Variants in VTI1A observed in about 807,000 individuals in gnomAD.
VTI1A encodes the protein vesicle transport through interaction with t-SNAREs 1A.
VTI1A carries 22 observed loss-of-function variants against 34.9 expected under a neutral mutation model. The ratio of observed to expected loss-of-function variants is 0.63; its 90% CI spans 0.45 to 0.90. The LOEUF is 0.90. VTI1A is among the 40% of genes least tolerant of loss of function. The pLI is 0.00. For synonymous variants in VTI1A, 87 were observed against 97.3 expected (o/e 0.89, Z 0.62); for missense variants, 268 against 275.6 (o/e 0.97, Z 0.20).
chr10:112,683,056 T>C (rs1461869713), intron 7 of VTI1A, among the ~76,000 whole-genome samples: 1 of 152,208 alleles, frequency 6.6e-6, no homozygotes, highest in Admixed American at 6.5e-5. Flanking sequence ...TGGCTGGATT[T>C]CCACAGAGCA....
At chr10:112,524,380 G>GT (rs1850143229) in intron 3 of VTI1A, among the ~76,000 whole-genome samples, 1 of 152,070 alleles carries the variant, frequency 6.6e-6, no homozygotes. Flanking sequence ...TTTGAAATGA[G>GT]TCGTCTTTTC....
chr10:112,741,395 G>T (rs567204649), intron 7 of VTI1A, among the ~76,000 whole-genome samples: 13 of 152,282 alleles, frequency 8.5e-5, no homozygotes, highest in African/African-American at 3.1e-4. Context: ...GCAGAGGTTT[G>T]CAGTGAGCCA....
intron 5 of VTI1A, among the ~76,000 whole-genome samples, chr10:112,565,831 A>T (rs1027982130): frequency 2.6e-5 from 4 of 152,166 alleles, no homozygotes; most frequent in African/African-American, 7.2e-5. Flanking sequence ...ATCTTTTAAG[A>T]TATTTTCTAA....
intron 7 of VTI1A, among the ~76,000 whole-genome samples, chr10:112,759,878 T>G (rs1163842004): frequency 1.3e-5 from 2 of 152,032 alleles, no homozygotes; most frequent in Non-Finnish European, 2.9e-5. Flanking sequence ...ACCCCACATA[T>G]TCTCGGAGTG....
At chr10:112,474,486 T>C (rs1323089572) in intron 3 of VTI1A, among the ~76,000 whole-genome samples, 1 of 151,438 alleles carries the variant, frequency 6.6e-6, no homozygotes, top group Non-Finnish European at 1.5e-5. Flanking sequence ...GACAGGGCCT[T>C]GCTCTGTCAC....
intron 5 of VTI1A, among the ~76,000 whole-genome samples, chr10:112,561,714 G>A (rs148057532): frequency 6.6e-6 from 1 of 151,684 alleles, no homozygotes; most frequent in East Asian, 1.9e-4. Context: ...AATAATATAG[G>A]AACTCATACA....
chr10:112,816,451 A>C lies in VTI1A; in HGVS notation c.*1068A>C. ...GAGGATGGCAGATTGTTCCAAAAGG[A>C]ATGGCTTGGGTTTTTAACTAACAAA... On this transcript the variant is annotated 3_prime_UTR_variant, in exon 8 of 8. Transcript: ENST00000393077. 4.4e-6 allele frequency: 1 copy of C among 224,762 alleles called. No individual in the cohort carries two copies. The highest frequency in any genetic ancestry group is 1.3e-3 in the Middle Eastern group (1 of 742). The allele number at this position is 224,762 out of a possible 1,614,324, so 13.9% of individuals were successfully genotyped here.
chr10:112,730,428 A>G (rs1446301312), intron 7 of VTI1A, among the ~76,000 whole-genome samples: 1 of 152,316 alleles, frequency 6.6e-6, no homozygotes, highest in East Asian at 1.9e-4. Context: ...AAGAATAAAG[A>G]TCTACCTTTA....
intron 5 of VTI1A, among the ~76,000 whole-genome samples, chr10:112,601,509 AG>A (rs1351606339): frequency 6.6e-6 from 1 of 151,780 alleles, no homozygotes; most frequent in Non-Finnish European, 1.5e-5. Context: ...GGTGCCAACC[AG>A]GCACCAATGC....
intron 4 of VTI1A, 39 bp downstream of exon 4, chr10:112,527,203 G>A: frequency 1.0e-5 from 16 of 1,590,628 alleles, no homozygotes; most frequent in Non-Finnish European, 1.4e-5. Context: ...GGTGGCTGGA[G>A]GGTGAAGGAG....
At position 112,453,754 on chromosome 10, in the gene VTI1A, G is replaced by A. The variant is rs1303415055; in HGVS notation, c.94+6287G>A. Among the ~76,000 whole-genome samples, 5 of 152,030 alleles carry A rather than the reference G, an allele frequency of 3.3e-5. No individual in the cohort carries two copies. The South Asian group carries it at 1.0e-3, about 32-fold the overall frequency. ...TTCTCTATTTCCTGTTTCAGTGCTAGAATCAGCCCTTTCTCTGAGGAATCC... is the reference window on the plus strand; with the variant it reads ...TTCTCTATTTCCTGTTTCAGTGCTAAAATCAGCCCTTTCTCTGAGGAATCC... On this transcript the variant is annotated intron_variant, in intron 1 of 7. Coordinates refer to ENST00000393077, the MANE Select transcript of VTI1A (RefSeq NM_145206.4).
intron 1 of VTI1A, among the ~76,000 whole-genome samples, chr10:112,454,791 C>T (rs1847374608): frequency 6.6e-6 from 1 of 151,222 alleles, no homozygotes; most frequent in Non-Finnish European, 1.5e-5. Context: ...GTTACGAGCT[C>T]AGTTCAGGAC....
intron 5 of VTI1A, among the ~76,000 whole-genome samples, chr10:112,609,445 T>G (rs1393871212): frequency 1.3e-5 from 2 of 152,294 alleles, no homozygotes; most frequent in East Asian, 3.9e-4. Flanking sequence ...ATAATTTGAG[T>G]GTAAACTCTG....
At chr10:112,802,394 G>A (rs908627561) in intron 7 of VTI1A, among the ~76,000 whole-genome samples, 2 of 152,158 alleles carry the variant, frequency 1.3e-5, no homozygotes, top group African/African-American at 2.4e-5. Context: ...TATGCCATAC[G>A]GTGGTAGAAG....
chr10:112,633,695 T>C (rs1846231373), intron 5 of VTI1A, among the ~76,000 whole-genome samples: 1 of 152,226 alleles, frequency 6.6e-6, no homozygotes, highest in Non-Finnish European at 1.5e-5. Flanking sequence ...GAGAGTTACC[T>C]TACCCTGACT....
At chr10:112,633,438 A>T (rs1000410257) in intron 5 of VTI1A, among the ~76,000 whole-genome samples, 14 of 152,162 alleles carry the variant, frequency 9.2e-5, no homozygotes, top group African/African-American at 3.4e-4. Flanking sequence ...AGTATAATGG[A>T]AAAGTTGTGG....
intron 5 of VTI1A, among the ~76,000 whole-genome samples, chr10:112,665,883 T>A (rs1847624807): frequency 6.6e-6 from 1 of 152,302 alleles, no homozygotes; most frequent in African/African-American, 2.4e-5. Context: ...ATAACGTATT[T>A]CCTCTTCATT....
intron 7 of VTI1A, among the ~76,000 whole-genome samples, chr10:112,764,153 C>A (rs1851573882): frequency 6.6e-6 from 1 of 152,158 alleles, no homozygotes; most frequent in South Asian, 2.1e-4. Context: ...GACATGGCGC[C>A]CTCTGGAATC....
chr10:112,527,410 A>T (rs769919724), intron 4 of VTI1A: 1 of 319,112 alleles, frequency 3.1e-6, no homozygotes, highest in Non-Finnish European at 5.7e-6. Flanking sequence ...TTTCTTTATT[A>T]TTTAGTACTT....
Sources: gnomAD v4.1 joint callset for allele counts (sites outside exome capture counted in the v4.1 genomes callset) on GRCh38, gnomAD v4.1.1 for gene constraint, MANE v1.5 for transcripts, NCBI Gene and HGNC (gene_info 2026-07-23, HGNC 2026-07-21) for gene names.